The following MMP16 variants were observed in gnomAD, a reference collection of about 807,000 sequenced individuals.
MMP16 encodes matrix metallopeptidase 16.
MMP16 carries 12 observed loss-of-function variants against 67.8 expected under a neutral mutation model. The ratio of observed to expected loss-of-function variants is 0.18; its 90% confidence interval spans 0.11 to 0.29. The LOEUF (loss-of-function observed/expected upper bound fraction) is 0.29, where lower values mean the gene tolerates loss of function less well. Among genes scored for constraint, MMP16 ranks in the 10% least tolerant of loss-of-function variants. The pLI is 1.00. For synonymous variants in MMP16, 249 were observed against 255.9 expected (o/e 0.97, Z 0.26); for missense variants, 475 against 765.7 (o/e 0.62, Z 4.48).
At chr8:88,296,246 T>C (rs1289953012) in intron 1 of MMP16, among the ~76,000 whole-genome samples, 1 of 152,190 alleles carries the variant, frequency 6.6e-6, no homozygotes, top group Non-Finnish European at 1.5e-5. Flanking sequence ...CTGAATAATA[T>C]CTGTAATAAA....
chr8:88,084,586 A>G (rs1333831021), intron 6 of MMP16, among the ~76,000 whole-genome samples: 1 of 152,000 alleles, frequency 6.6e-6, no homozygotes, highest in Non-Finnish European at 1.5e-5. Flanking sequence ...ATTTCATGAT[A>G]CCTACAACTT....
chr8:88,081,194 C>T (rs533934505), intron 6 of MMP16, among the ~76,000 whole-genome samples: 11 of 152,248 alleles, frequency 7.2e-5, no homozygotes, highest in African/African-American at 2.4e-4. Context: ...TTTCAGAACA[C>T]TGCCCTTCTG....
At chr8:88,287,126 T>G (rs1416533910) in intron 1 of MMP16, among the ~76,000 whole-genome samples, 1 of 152,162 alleles carries the variant, frequency 6.6e-6, no homozygotes, top group Non-Finnish European at 1.5e-5. Context: ...CTATGAAAGC[T>G]TAAGTTGCTC....
At position 88,295,215 on chromosome 8, in the gene MMP16, C is replaced by T. The variant is rs185618460; in HGVS notation, c.132+31860G>A. Among the ~76,000 whole-genome samples the T allele has an allele frequency of 6.4e-4, 98 of 152,260 alleles. No individual in the cohort carries two copies. The East Asian group carries it at 8.7e-3, about 14-fold the overall frequency. ...TAGTTAACAAAGACACATATTACTT[C>T]GATGTTTCCTCCTGAATTTAAAATA... On this transcript the variant is annotated intron_variant, in intron 1 of 9. Coordinates refer to ENST00000286614, the MANE Select transcript of MMP16 (RefSeq NM_005941.5).
chr8:88,048,353 A>G (rs1362399849), intron 8 of MMP16, among the ~76,000 whole-genome samples: 3 of 152,184 alleles, frequency 2.0e-5, no homozygotes, highest in East Asian at 1.9e-4. Flanking sequence ...ACTTCCAAGG[A>G]ACAAATTGTG....
intron 4 of MMP16, among the ~76,000 whole-genome samples, chr8:88,144,442 T>C (rs1450112004): frequency 6.6e-6 from 1 of 151,774 alleles, no homozygotes; most frequent in Non-Finnish European, 1.5e-5. Context: ...TATAGGTATA[T>C]ATGTATATGT....
chr8:88,103,132 T>G (rs976912999), intron 6 of MMP16, among the ~76,000 whole-genome samples: 2 of 151,882 alleles, frequency 1.3e-5, no homozygotes, highest in Admixed American at 1.3e-4. Context: ...CCTTTCCCAG[T>G]GCACCATATC....
At chr8:88,230,869 T>C (rs1809849564) in intron 1 of MMP16, among the ~76,000 whole-genome samples, 1 of 152,158 alleles carries the variant, frequency 6.6e-6, no homozygotes. Flanking sequence ...CATATGAAGT[T>C]GCATATATTG....
At chr8:88,166,088 A>G (rs188729162) in intron 4 of MMP16, among the ~76,000 whole-genome samples, 3 of 152,002 alleles carry the variant, frequency 2.0e-5, no homozygotes, top group African/African-American at 4.8e-5. Context: ...AACTCAACCT[A>G]ATTTATCCTA....
chr8:88,224,728 G>GA (rs199564436), intron 1 of MMP16, among the ~76,000 whole-genome samples: 13 of 149,724 alleles, frequency 8.7e-5, no homozygotes, highest in Admixed American at 2.0e-4. Context: ...GAGATCTGTG[G>GA]AAAAAAAAAG....
chr8:88,061,716 G>A (rs528106214), intron 7 of MMP16, among the ~76,000 whole-genome samples: 1 of 152,090 alleles, frequency 6.6e-6, no homozygotes, highest in South Asian at 2.1e-4. Context: ...GTTCTTATAG[G>A]AAATTGTTAT....
At chr8:88,261,495 C>T (rs2129949097) in intron 1 of MMP16, among the ~76,000 whole-genome samples, 1 of 152,058 alleles carries the variant, frequency 6.6e-6, no homozygotes, top group African/African-American at 2.4e-5. Flanking sequence ...TTTTTACTAC[C>T]ATACTTAATA....
intron 3 of MMP16, among the ~76,000 whole-genome samples, chr8:88,179,422 T>A: frequency 6.6e-6 from 1 of 151,710 alleles, no homozygotes; most frequent in Non-Finnish European, 1.5e-5. Context: ...AAACACTTAT[T>A]GTCTACAGAA....
intron 1 of MMP16, among the ~76,000 whole-genome samples, chr8:88,299,941 T>C (rs887028546): frequency 6.6e-6 from 1 of 152,214 alleles, no homozygotes; most frequent in Non-Finnish European, 1.5e-5. Flanking sequence ...TTTTTGTGTG[T>C]GCTAGGTACT....
At chr8:88,069,565 A>C (rs1386489232) in intron 7 of MMP16, 1 of 468,246 alleles carries the variant, frequency 2.1e-6, no homozygotes. Context: ...TGATGAAGAA[A>C]GTATCTCCTT....
At chr8:88,136,866 T>C (rs1446372269) in intron 4 of MMP16, among the ~76,000 whole-genome samples, 1 of 151,886 alleles carries the variant, frequency 6.6e-6, no homozygotes, top group East Asian at 2.0e-4. Context: ...CATTATACCA[T>C]TACATTCACT....
At chr8:88,043,180 A>G (rs1302199092) in intron 9 of MMP16, among the ~76,000 whole-genome samples, 5 of 152,200 alleles carry the variant, frequency 3.3e-5, no homozygotes, top group African/African-American at 1.2e-4. Flanking sequence ...AGGATCAGAG[A>G]CAAAATAACA....
At chr8:88,055,875 T>G (rs537546923) in intron 8 of MMP16, among the ~76,000 whole-genome samples, 22 of 152,290 alleles carry the variant, frequency 1.4e-4, no homozygotes, top group African/African-American at 5.3e-4. Flanking sequence ...TATGGGCATG[T>G]TACAATTATG....
intron 1 of MMP16, among the ~76,000 whole-genome samples, chr8:88,294,648 T>C (rs1810985490): frequency 1.3e-5 from 2 of 152,110 alleles, no homozygotes; most frequent in African/African-American, 4.8e-5. Flanking sequence ...CATATAGACA[T>C]ATATAAACAC....
Sources: allele counts gnomAD v4.1 joint callset (sites outside exome capture counted in the v4.1 genomes callset), GRCh38; gene constraint gnomAD v4.1.1; transcripts MANE v1.5; gene names NCBI Gene and HGNC (gene_info 2026-07-23, HGNC 2026-07-21).